The following RTF1 variants were observed in gnomAD, a reference collection of about 807,000 sequenced individuals.
The protein encoded by RTF1 is RTF1 homolog, Paf1/RNA polymerase II complex component.
A neutral mutation model predicts 95.7 loss-of-function variants in RTF1; 10 were observed. The ratio of observed to expected loss-of-function variants is 0.10; its 90% CI spans 0.06 to 0.18. RTF1 has a LOEUF of 0.18. Ranked by LOEUF, RTF1 falls within the 10% of genes least tolerant of loss-of-function variation. The pLI is 1.00. For synonymous variants in RTF1, 305 were observed against 311.8 expected (o/e 0.98, Z 0.23); for missense variants, 458 against 875.6 (o/e 0.52, Z 6.02).
chr15:41,426,705 GCCCCCCCC>G (rs1566835758), intron 1 of RTF1, among the ~76,000 whole-genome samples: 4 of 3,826 alleles, frequency 1.0e-3, no homozygotes, highest in African/African-American at 2.7e-3. Flanking sequence ...CCCCCCCCCC[GCCCCCCCC>G]CCCCGCCGGC....
chr15:41,472,791 TC>T (rs2050920175), intron 8 of RTF1, among the ~76,000 whole-genome samples: 2 of 151,552 alleles, frequency 1.3e-5, no homozygotes, highest in African/African-American at 4.8e-5. Flanking sequence ...AAACTCTGGC[TC>T]CCAGGTTCAC....
chr15:41,430,828 G>A (rs748623083), intron 1 of RTF1, among the ~76,000 whole-genome samples: 1 of 152,174 alleles, frequency 6.6e-6, no homozygotes, highest in African/African-American at 2.4e-5. Flanking sequence ...CAATCCTCAA[G>A]TTGTGGGAAG....
chr15:41,424,165 G>A (rs192115081), intron 1 of RTF1, among the ~76,000 whole-genome samples: 76 of 152,336 alleles, frequency 5.0e-4, no homozygotes, highest in Admixed American at 1.7e-3. Context: ...GAATGAGAGA[G>A]AGATGAGGTG....
chr15:41,438,264 T>G, intron 1 of RTF1, 57 bp from the exon 2 acceptor site: 1 of 1,189,216 alleles, frequency 8.4e-7, no homozygotes, highest in South Asian at 1.4e-5. Context: ...ATTTTATTAT[T>G]CTTGGATATT....
At chr15:41,444,582 T>C (rs577691200) in intron 2 of RTF1, among the ~76,000 whole-genome samples, 1 of 152,114 alleles carries the variant, frequency 6.6e-6, no homozygotes, top group Admixed American at 6.6e-5. Context: ...GGCGTGACCA[T>C]CGCGGCCGGC....
intron 7 of RTF1, 64 bp downstream of exon 7, chr15:41,470,456 A>T (rs2050904439): frequency 1.3e-6 from 2 of 1,561,794 alleles, no homozygotes; most frequent in East Asian, 4.5e-5. Flanking sequence ...AGAGCTTGGT[A>T]TCGTTTCCAA....
intron 2 of RTF1, among the ~76,000 whole-genome samples, chr15:41,439,047 T>C (rs1278814905): frequency 1.3e-5 from 2 of 151,114 alleles, no homozygotes; most frequent in Non-Finnish European, 2.9e-5. Flanking sequence ...TTTTTTTTTT[T>C]TTCAAGACAG....
chr15:41,446,569 A>ACT (rs1555385937), intron 2 of RTF1, among the ~76,000 whole-genome samples: 4 of 151,374 alleles, frequency 2.6e-5, no homozygotes, highest in African/African-American at 7.3e-5. Flanking sequence ...AAAAAAAAAA[A>ACT]TTATTTTCAT....
intron 2 of RTF1, among the ~76,000 whole-genome samples, chr15:41,444,772 A>G (rs1486098411): frequency 6.6e-6 from 1 of 151,910 alleles, no homozygotes; most frequent in Non-Finnish European, 1.5e-5. Flanking sequence ...TTTCTTGGTA[A>G]TGTCTTCTAT....
rs1422013237 is a variant in RTF1 at position 41,471,116 on chromosome 15, G to C, written c.1026-56G>C. The C allele has an allele frequency of 9.3e-6, 14 of 1,499,072 alleles. No individual in the cohort carries two copies. The Admixed American group carries it at 2.5e-4, about 27-fold the overall frequency. The allele number at this position is 1,499,072 out of a possible 1,614,324, so 92.9% of individuals were successfully genotyped here. ...TTTGAGGAGTTGATATTATTTTTCT[G>C]TCTTGTTCTGTTTTTATGATGAACA... On this transcript the variant is annotated intron_variant, in intron 7 of 17. Coordinates refer to ENST00000389629, the MANE Select transcript of RTF1 (RefSeq NM_015138.5).
In RTF1 at chr15:41,444,773, T is replaced by C. The variant is rs1167753647; in HGVS notation, c.309+6342T>C. Among the ~76,000 whole-genome samples, 4 of 152,302 alleles carry C rather than the reference T, an allele frequency of 2.6e-5. 1 individual carries two copies. In the South Asian group the frequency reaches 6.2e-4, roughly 24 times the overall value. ...GACCATTGTGCTCTTTTCTTGGTAA[T>C]GTCTTCTATAACACTTCCAACTTAC... On this transcript the variant is annotated intron_variant, in intron 2 of 17. Transcript: ENST00000389629.
At chr15:41,466,913 GGTTA>G (rs1194064339) in intron 6 of RTF1, among the ~76,000 whole-genome samples, 1 of 152,160 alleles carries the variant, frequency 6.6e-6, no homozygotes, top group African/African-American at 2.4e-5. Flanking sequence ...TCCTGTAAAT[GGTTA>G]GTTAGAGCTA....
rs995580149 is a variant in RTF1, at chr15:41,432,251, G to A, written c.199-6070G>A. Among the ~76,000 whole-genome samples the A allele has an allele frequency of 4.7e-5, 7 of 149,476 alleles. 1 individual carries two copies. The highest frequency in any genetic ancestry group is 8.9e-5 in the Non-Finnish European group (6 of 67,516). On this transcript the variant is annotated intron_variant, in intron 1 of 17. Coordinates refer to ENST00000389629, the MANE Select transcript of RTF1 (RefSeq NM_015138.5). ...CTCTGTCACTCAGTCTGGATGGAGT[G>A]CAGTGGCACAATCTCGGCCCACTGC... is the stretch of plus-strand genomic sequence containing the variant.
At chr15:41,478,410 TAAAA>T (rs397945744) in intron 14 of RTF1, 134 bp from the exon 15 acceptor site, 12 of 536,006 alleles carry the variant, frequency 2.2e-5, no homozygotes, top group East Asian at 3.4e-5. Context: ...CAAAAAAAAT[TAAAA>T]AAAAAAAAAA....
chr15:41,467,830 G>T (rs2050888271), intron 6 of RTF1, among the ~76,000 whole-genome samples: 1 of 152,036 alleles, frequency 6.6e-6, no homozygotes, highest in South Asian at 2.1e-4. Flanking sequence ...TTCAAGACCG[G>T]CCTGGCCAAC....
In RTF1 at chr15:41,476,451, A is replaced by G. The variant is rs764853022; in HGVS notation, c.1488A>G (p.Val496=). 6.2e-7 allele frequency: 1 copy of G among 1,613,224 alleles called. No individual in the cohort carries two copies. Among genetic ancestry groups the G allele is most frequent in the Non-Finnish European group, 8.5e-7 (1 of 1,179,270 alleles). ...GTATCTCCTCTCTGGTACAGATTGT[A>G]AAAGAGAAAGAAAGGTTCAGAAAAG... is the stretch of plus-strand genomic sequence containing the variant. ...KFNDQDIEEI[V]KEKERFRKAP... is the part of the protein sequence containing the mutation. Residue 496 remains valine (V), a synonymous_variant, in exon 12 of 18, where the codon GTA becomes GTG. Transcript: ENST00000389629.
intron 4 of RTF1, among the ~76,000 whole-genome samples, chr15:41,458,746 C>T (rs1429445053): frequency 2.0e-5 from 3 of 151,038 alleles, no homozygotes. Context: ...GACTCTGTCT[C>T]AATAAAAAAT....
Position 41,433,680 on chromosome 15 carries a change from A to G in RTF1, c.199-4641A>G, listed in dbSNP as rs911275256. On this transcript the variant is annotated intron_variant, in intron 1 of 17. Transcript: ENST00000389629. The stretch of plus-strand genomic sequence containing the variant: ...GTAATATGGGAAAAAAGGTAATGGT[A>G]AAGACCATAAACGTATTACTATATA... Among the ~76,000 whole-genome samples the G allele has an allele frequency of 1.9e-4, 29 of 152,216 alleles. 1 individual carries two copies. Among genetic ancestry groups the G allele is most frequent in the Admixed American group, 1.2e-3 (19 of 15,246 alleles).
At chr15:41,452,187 G>C (rs968797196) in intron 2 of RTF1, among the ~76,000 whole-genome samples, 5 of 152,184 alleles carry the variant, frequency 3.3e-5, no homozygotes, top group Admixed American at 2.6e-4. Context: ...TGTAATCCCA[G>C]CATTTTGGGA....
Sources: gnomAD v4.1 joint callset for allele counts (sites outside exome capture counted in the v4.1 genomes callset) on GRCh38, gnomAD v4.1.1 for gene constraint, MANE v1.5 for transcripts, NCBI Gene and HGNC (gene_info 2026-07-23, HGNC 2026-07-21) for gene names.